MAB21L3: variants seen among roughly 807,000 people sequenced by gnomAD.
The protein encoded by MAB21L3 is mab-21 like 3.
A neutral mutation model predicts 37.7 loss-of-function variants in MAB21L3; 36 were observed. The ratio of observed to expected loss-of-function variants is 0.96; its 90% confidence interval spans 0.73 to 1.26. MAB21L3 has a LOEUF of 1.26. MAB21L3 is among the 50% of genes most tolerant of loss of function. MAB21L3 has a pLI of 0.00. For missense variants in MAB21L3, 430 were observed against 447.3 expected (o/e 0.96, Z 0.35); for synonymous variants, 186 against 176.8 (o/e 1.05, Z -0.41).
In MAB21L3 at chr1:116,133,115, A is replaced by C; in HGVS notation, c.856-17A>C. 1 of 1,599,394 alleles carries C rather than the reference A, an allele frequency of 6.3e-7. No individual in the cohort carries two copies. The highest frequency in any genetic ancestry group is 8.6e-7 in the Non-Finnish European group (1 of 1,166,990). On this transcript the variant is annotated splice_polypyrimidine_tract_variant and intron_variant, in intron 7 of 7. Transcript: ENST00000369500. ...ATTGCCCGAAACAATGTCTGACAGC[A>C]CTTCTCCCTTCCACAGACTGTGCTC...
At chr1:116,124,045 T>C in intron 4 of MAB21L3, 21 bp from the exon 5 acceptor site, 1 of 1,571,796 alleles carries the variant, frequency 6.4e-7, no homozygotes, top group Non-Finnish European at 8.6e-7. Context: ...ATGCTTGTTT[T>C]CAATCCTTTC....
intron 3 of MAB21L3, among the ~76,000 whole-genome samples, chr1:116,114,145 G>A (rs972692374): frequency 6.6e-6 from 1 of 152,174 alleles, no homozygotes; most frequent in Non-Finnish European, 1.5e-5. Flanking sequence ...ATTTGATCAT[G>A]AGTTTGTATA....
At chr1:116,116,452 A>G (rs1659589179) in intron 3 of MAB21L3, among the ~76,000 whole-genome samples, 1 of 152,204 alleles carries the variant, frequency 6.6e-6, no homozygotes, top group South Asian at 2.1e-4. Context: ...GTTAGATGCC[A>G]GAACAGTTGC....
At chr1:116,131,516 A>T (rs1270199854) in intron 7 of MAB21L3, among the ~76,000 whole-genome samples, 1 of 150,390 alleles carries the variant, frequency 6.6e-6, no homozygotes, top group Non-Finnish European at 1.5e-5. Context: ...TATTTTATTA[A>T]TTTTTTTTTT....
intron 3 of MAB21L3, among the ~76,000 whole-genome samples, chr1:116,120,216 A>G (rs971445464): frequency 2.0e-5 from 3 of 152,140 alleles, no homozygotes; most frequent in African/African-American, 7.2e-5. Flanking sequence ...AGCATTGCCT[A>G]CGTCAGAGGA....
Position 116,112,594 on chromosome 1 carries a change from A to G in MAB21L3, c.-22A>G, listed in dbSNP as rs1659453446. The G allele has an allele frequency of 1.9e-6, 3 of 1,612,292 alleles. No individual in the cohort carries two copies. In the East Asian group the frequency reaches 6.7e-5, roughly 36 times the overall value. On this transcript the variant is annotated 5_prime_UTR_variant, in exon 3 of 8. Coordinates refer to ENST00000369500, the MANE Select transcript of MAB21L3 (RefSeq NM_152367.3). ...AAAAAAACCAGGAAGTTGCTGTTCT[A>G]CTGAGGACTGACCAAGAAGCCATGA...
At chr1:116,128,487 A>G (rs979164227) in intron 7 of MAB21L3, 148 bp downstream of exon 7, 5 of 706,798 alleles carry the variant, frequency 7.1e-6, no homozygotes, top group Non-Finnish European at 1.1e-5. Flanking sequence ...TATATTTGCC[A>G]TCCAACAAAT....
intron 3 of MAB21L3, among the ~76,000 whole-genome samples, chr1:116,120,686 T>C (rs1659721933): frequency 6.6e-6 from 1 of 152,110 alleles, no homozygotes; most frequent in Non-Finnish European, 1.5e-5. Flanking sequence ...ACCTGCTACA[T>C]AGTAGGTCCT....
chr1:116,122,606 G>T (rs1659783759), intron 4 of MAB21L3, among the ~76,000 whole-genome samples: 1 of 152,192 alleles, frequency 6.6e-6, no homozygotes, highest in Non-Finnish European at 1.5e-5. Context: ...TGTCACCCAG[G>T]CCGGAGTGCA....
Position 116,112,489 on chromosome 1 carries a change from C to G in MAB21L3, c.-127C>G. 1.3e-6 allele frequency: 1 copy of G among 766,282 alleles called. No homozygotes were observed. The highest frequency in any genetic ancestry group is 2.2e-6 in the Non-Finnish European group (1 of 460,392). 47.5% of individuals were successfully genotyped at this position (766,282 alleles called of 1,614,324 possible). Reference sequence around the variant, plus strand: ...CAAGTCTCTGGTCCATTACACACTTCCAGAAAAACTTAGTACCCAGAGACT... The same window carrying G: ...CAAGTCTCTGGTCCATTACACACTTGCAGAAAAACTTAGTACCCAGAGACT... On this transcript the variant is annotated 5_prime_UTR_variant, in exon 3 of 8. Transcript: ENST00000369500.
chr1:116,114,640 C>A (rs1570800835), intron 3 of MAB21L3, among the ~76,000 whole-genome samples: 1 of 152,162 alleles, frequency 6.6e-6, no homozygotes, highest in Non-Finnish European at 1.5e-5. Context: ...TGAGATGTGG[C>A]CTGCTAAATG....
rs571602004 is a variant in MAB21L3, at chr1:116,124,090, G to A, written c.214G>A (p.Val72Ile). The change falls in exon 5 of 8, where the codon GTC becomes ATC. Residue 72 changes from valine to isoleucine, a missense_variant. Transcript: ENST00000369500. ...IKVLAPSQFL[V>I]TVPIKGLAGY... ...GGTTTTGGCTCCCAGTCAGTTCCTC[G>A]TCACAGTCCCAATAAAAGGCCTGGC... 8.1e-5 allele frequency: 130 copies of A among 1,607,946 alleles called. No individual in the cohort carries two copies. The East Asian group carries it at 1.9e-3, about 24-fold the overall frequency.
intron 3 of MAB21L3, among the ~76,000 whole-genome samples, chr1:116,113,386 A>G (rs1241944301): frequency 6.6e-6 from 1 of 152,232 alleles, no homozygotes; most frequent in Non-Finnish European, 1.5e-5. Flanking sequence ...TAAGAGAGAT[A>G]AATAAGGAAA....
At chr1:116,120,870 A>G (rs1183633780) in intron 3 of MAB21L3, 62 bp from the exon 4 acceptor site, 10 of 1,596,590 alleles carry the variant, frequency 6.3e-6, no homozygotes, top group Admixed American at 5.1e-5. Flanking sequence ...TCACTCTCTT[A>G]TGCTGGTATC....
At chr1:116,124,554 A>G (rs974712941) in intron 5 of MAB21L3, among the ~76,000 whole-genome samples, 197 bp downstream of exon 5, 1 of 152,230 alleles carries the variant, frequency 6.6e-6, no homozygotes, top group African/African-American at 2.4e-5. Flanking sequence ...TGGAATTCAT[A>G]CTAACAAAAT....
At position 116,128,230 on chromosome 1, in the gene MAB21L3, T is replaced by C. The variant is rs1187631336; in HGVS notation, c.746T>C (p.Leu249Pro). ...LRAEQVLLEQLDEDGGCRRKC... is the reference protein window; with the variant it reads ...LRAEQVLLEQPDEDGGCRRKC... ...GCTGAGCAGGTGTTACTGGAACAGC[T>C]GGATGAAGATGGGGGCTGCCGTAGG... Residue 249 changes from leucine to proline, a missense_variant, in exon 7 of 8, where the codon CTG becomes CCG. Physicochemically the swap from Leu to Pro is moderately conservative, Grantham distance 98. Transcript: ENST00000369500. 6.2e-7 allele frequency: 1 copy of C among 1,614,074 alleles called. No individual in the cohort carries two copies.
chr1:116,112,739 G>T (rs998081185), intron 3 of MAB21L3, 76 bp downstream of exon 3: 1 of 1,474,874 alleles, frequency 6.8e-7, no homozygotes, highest in South Asian at 1.1e-5. Flanking sequence ...CGTCCAGAAA[G>T]GATCTCAGGC....
rs1659453630 is a variant in MAB21L3 at position 116,112,601 on chromosome 1, A to G, written c.-15A>G. 7 of 1,612,750 alleles carry G rather than the reference A, an allele frequency of 4.3e-6. No individual in the cohort carries two copies. ...CCAGGAAGTTGCTGTTCTACTGAGG[A>G]CTGACCAAGAAGCCATGAAATACCT... On this transcript the variant is annotated 5_prime_UTR_variant, in exon 3 of 8. Transcript: ENST00000369500.
At chr1:116,125,859 G>GGGCAGGGTGTGGGCC (rs572437828) in intron 5 of MAB21L3, among the ~76,000 whole-genome samples, 8,758 of 148,054 alleles carry the variant, frequency 0.059, 292 homozygotes, top group Non-Finnish European at 0.066. Flanking sequence ...GCCAGCTGCA[G>GGGCAGGGTGTGGGCC]GGCAGGGTGT....
Sources: allele counts gnomAD v4.1 joint callset (sites outside exome capture counted in the v4.1 genomes callset), GRCh38; gene constraint gnomAD v4.1.1; transcripts MANE v1.5; gene names NCBI Gene and HGNC (gene_info 2026-07-23, HGNC 2026-07-21).